FAM210A: variants seen among roughly 807,000 people sequenced by gnomAD.
FAM210A encodes family with sequence similarity 210 member A.
A neutral mutation model predicts 25.3 loss-of-function variants in FAM210A; 13 were observed. The ratio of observed to expected loss-of-function variants is 0.51; its 90% CI spans 0.33 to 0.82. The LOEUF is 0.82. FAM210A is among the 40% of genes least tolerant of loss of function. The pLI, the probability that FAM210A is intolerant of heterozygous loss-of-function variation, is 0.02. For synonymous variants in FAM210A, 125 were observed against 118.7 expected (o/e 1.05, Z -0.35); for missense variants, 319 against 323.2 (o/e 0.99, Z 0.10).
intron 1 of FAM210A, among the ~76,000 whole-genome samples, chr18:13,714,679 T>C (rs925814936): frequency 4.6e-5 from 7 of 152,216 alleles, no homozygotes; most frequent in Admixed American, 2.6e-4. Flanking sequence ...AGTTGAGAAC[T>C]ACAGGAACTT....
At chr18:13,684,289 T>C (rs939380854) in intron 1 of FAM210A, among the ~76,000 whole-genome samples, 14 of 151,804 alleles carry the variant, frequency 9.2e-5, no homozygotes, top group Non-Finnish European at 1.8e-4. Flanking sequence ...ATCCCAGCTA[T>C]TTGGGAGGCT....
rs540527073 is a variant in FAM210A at position 13,704,554 on chromosome 18, G to A, written c.-29+21775C>T. ...CCTTTAACATATTTGATAGGCTTCC[G>A]AAAATCAAATTTCAGCTTCAAAATT... On this transcript the variant is annotated intron_variant, in intron 1 of 3. Coordinates refer to ENST00000651643, the MANE Select transcript of FAM210A (RefSeq NM_152352.4). Among the ~76,000 whole-genome samples the A allele has an allele frequency of 3.3e-5, 5 of 152,204 alleles. No homozygotes were observed. The South Asian group carries it at 6.2e-4, about 19-fold the overall frequency.
intron 1 of FAM210A, among the ~76,000 whole-genome samples, chr18:13,693,703 G>A (rs947071931): frequency 2.0e-5 from 3 of 152,184 alleles, no homozygotes; most frequent in Admixed American, 1.3e-4. Flanking sequence ...AGCCCTTCAT[G>A]CTAAAAACTC....
rs1329370704 is a variant in FAM210A at position 13,664,401 on chromosome 18, T to C, written c.*2079A>G. Reference sequence around the variant, plus strand: ...GAAATTGTTTTAGAAAAATTCCATATAACACAAGATTTTCACATAGTCTCC... The same window carrying C: ...GAAATTGTTTTAGAAAAATTCCATACAACACAAGATTTTCACATAGTCTCC... On this transcript the variant is annotated 3_prime_UTR_variant, in exon 4 of 4. Coordinates refer to ENST00000651643, the MANE Select transcript of FAM210A (RefSeq NM_152352.4). 6.6e-6 allele frequency: 1 copy of C among 152,162 alleles called. No individual in the cohort carries two copies. The highest frequency in any genetic ancestry group is 2.1e-4 in the South Asian group (1 of 4,824). The allele number at this position is 152,162 out of a possible 1,614,324, so 9.4% of individuals were successfully genotyped here.
chr18:13,680,448 G>A (rs2043542773), intron 2 of FAM210A, among the ~76,000 whole-genome samples: 1 of 152,138 alleles, frequency 6.6e-6, no homozygotes, highest in Non-Finnish European at 1.5e-5. Flanking sequence ...GATACAAAGT[G>A]AAACAGAACA....
intron 1 of FAM210A, among the ~76,000 whole-genome samples, chr18:13,697,196 A>G (rs2043701613): frequency 6.6e-6 from 1 of 152,208 alleles, no homozygotes; most frequent in African/African-American, 2.4e-5. Context: ...ATCTCTGTTA[A>G]GCAACGTGTG....
intron 1 of FAM210A, among the ~76,000 whole-genome samples, chr18:13,696,969 T>C (rs2043699619): frequency 6.6e-6 from 1 of 152,208 alleles, no homozygotes; most frequent in Non-Finnish European, 1.5e-5. Context: ...GTGTATCATT[T>C]TTTATACTGC....
At chr18:13,724,833 G>T (rs2149073514) in intron 1 of FAM210A, among the ~76,000 whole-genome samples, 1 of 152,300 alleles carries the variant, frequency 6.6e-6, no homozygotes, top group South Asian at 2.1e-4. Flanking sequence ...GAGTGCAACG[G>T]CGCAATCTCG....
intron 1 of FAM210A, among the ~76,000 whole-genome samples, chr18:13,713,947 T>G (rs527293892): frequency 9.2e-5 from 14 of 152,296 alleles, no homozygotes; most frequent in African/African-American, 3.4e-4. Context: ...GAAATTTAAC[T>G]CTTAGTTTTC....
chr18:13,706,186 C>A (rs763325103), intron 1 of FAM210A, among the ~76,000 whole-genome samples: 3 of 152,118 alleles, frequency 2.0e-5, no homozygotes, highest in Non-Finnish European at 4.4e-5. Flanking sequence ...CCCACTGGAA[C>A]CCTCAAGGTA....
chr18:13,690,279 T>C (rs1198990123), intron 1 of FAM210A, among the ~76,000 whole-genome samples: 1 of 152,158 alleles, frequency 6.6e-6, no homozygotes. Context: ...GTGGAGTCCA[T>C]TGCAGCTCAA....
At chr18:13,720,366 GCA>G (rs2043889290) in intron 1 of FAM210A, among the ~76,000 whole-genome samples, 1 of 152,230 alleles carries the variant, frequency 6.6e-6, no homozygotes, top group Non-Finnish European at 1.5e-5. Context: ...CTCAAAACTA[GCA>G]GTATTTTAGG....
chr18:13,698,812 C>G (rs545603290), intron 1 of FAM210A, among the ~76,000 whole-genome samples: 28 of 152,140 alleles, frequency 1.8e-4, no homozygotes, highest in African/African-American at 5.8e-4. Flanking sequence ...CAAGGCATAC[C>G]GCCCAGACCC....
intron 1 of FAM210A, among the ~76,000 whole-genome samples, chr18:13,690,186 G>C (rs987566199): frequency 2.0e-5 from 3 of 152,372 alleles, no homozygotes; most frequent in Non-Finnish European, 1.5e-5. Flanking sequence ...CAAACTGCAA[G>C]GTGGCAGTGA....
At chr18:13,711,056 T>C (rs186063388) in intron 1 of FAM210A, among the ~76,000 whole-genome samples, 1 of 152,300 alleles carries the variant, frequency 6.6e-6, no homozygotes, top group African/African-American at 2.4e-5. Flanking sequence ...TTCTTCTTCC[T>C]GTTACCAGCG....
chr18:13,722,179 T>C (rs940147502), intron 1 of FAM210A, among the ~76,000 whole-genome samples: 1 of 152,010 alleles, frequency 6.6e-6, no homozygotes, highest in Non-Finnish European at 1.5e-5. Flanking sequence ...AGGGACACCA[T>C]GACCACCTAC....
intron 1 of FAM210A, among the ~76,000 whole-genome samples, chr18:13,717,580 A>C (rs1371982590): frequency 6.6e-6 from 1 of 152,230 alleles, no homozygotes; most frequent in East Asian, 1.9e-4. Context: ...AAAATACAGA[A>C]TGTTTAGAAA....
At chr18:13,707,750 A>C (rs2043790114) in intron 1 of FAM210A, among the ~76,000 whole-genome samples, 2 of 152,258 alleles carry the variant, frequency 1.3e-5, no homozygotes, top group South Asian at 4.1e-4. Context: ...CGCCTGTAAC[A>C]ACAGCTGAGT....
chr18:13,712,723 G>A (rs950561918), intron 1 of FAM210A, among the ~76,000 whole-genome samples: 4 of 152,156 alleles, frequency 2.6e-5, no homozygotes, highest in African/African-American at 9.7e-5. Flanking sequence ...CCTGCCTCCA[G>A]AACCATGAAA....
Sources: allele counts gnomAD v4.1 joint callset (sites outside exome capture counted in the v4.1 genomes callset), GRCh38; gene constraint gnomAD v4.1.1; transcripts MANE v1.5; gene names NCBI Gene and HGNC (gene_info 2026-07-23, HGNC 2026-07-21).